Variants in AIG1 observed in about 807,000 individuals in gnomAD.
AIG1 encodes androgen induced 1.
In AIG1, 23 loss-of-function variants were observed where a neutral mutation model predicts 31.4. The ratio of observed to expected loss-of-function variants is 0.73; its 90% confidence interval spans 0.53 to 1.04. The LOEUF (loss-of-function observed/expected upper bound fraction) is 1.04. AIG1 is among the 50% of genes least tolerant of loss of function. The pLI, the probability that AIG1 is intolerant of heterozygous loss-of-function variation, is 0.00. For synonymous variants in AIG1, 100 were observed against 110.5 expected, an observed-to-expected ratio of 0.90 and a Z score of 0.60; for missense variants, 274 against 295.0, an observed-to-expected ratio of 0.93 and a Z score of 0.52.
In AIG1 at chr6:143,195,824, G is replaced by A. The variant is rs555511449; in HGVS notation, c.399+30641G>A. On this transcript the variant is annotated intron_variant, in intron 3 of 5. Transcript: ENST00000357847. Reference sequence around the variant, plus strand: ...GGCACAGGTGCTCCCGAGTGCCAAAGTGACCACAAGAAAAGCCGCCAGAAG... The same window carrying A: ...GGCACAGGTGCTCCCGAGTGCCAAAATGACCACAAGAAAAGCCGCCAGAAG... Among the ~76,000 whole-genome samples the A allele has an allele frequency of 4.7e-4, 71 of 151,114 alleles. 1 individual carries two copies. The highest frequency in any genetic ancestry group is 8.3e-4 in the South Asian group (4 of 4,820).
At position 143,075,386 on chromosome 6, in the gene AIG1, C is replaced by T. The variant is rs910406085; in HGVS notation, c.141+14320C>T. ...AGGCTGGAGTGCAGCTCACTGCAGC[C>T]TCAACCTCCCAGGTTTAGGTGATCT... On this transcript the variant is annotated intron_variant, in intron 1 of 5. Coordinates refer to ENST00000357847, the MANE Select transcript of AIG1 (RefSeq NM_016108.4). 2.6e-5 allele frequency among the ~76,000 whole-genome samples: 4 copies of T among 152,242 alleles called. No individual in the cohort carries two copies. The East Asian group carries it at 7.7e-4, about 29-fold the overall frequency.
intron 3 of AIG1, among the ~76,000 whole-genome samples, chr6:143,263,493 CT>C (rs909287693): frequency 5.9e-5 from 9 of 151,784 alleles, no homozygotes; most frequent in African/African-American, 2.2e-4. Flanking sequence ...TTAATGTATG[CT>C]TTAAAAAAAT....
downstream of AIG1, among the ~76,000 whole-genome samples, chr6:143,341,897 C>A (rs911357806): frequency 2.6e-5 from 4 of 152,086 alleles, no homozygotes; most frequent in African/African-American, 9.7e-5. Flanking sequence ...ACAATATAAT[C>A]CCTGGGATAT....
At chr6:143,222,182 G>A (rs947666938) in intron 3 of AIG1, among the ~76,000 whole-genome samples, 3 of 152,088 alleles carry the variant, frequency 2.0e-5, no homozygotes, top group African/African-American at 7.2e-5. Context: ...CTCAGCTCAC[G>A]TAGTACGTTA....
chr6:143,188,867 T>C (rs1216018064), intron 3 of AIG1: 10 of 985,196 alleles, frequency 1.0e-5, no homozygotes, highest in Non-Finnish European at 1.2e-5. Context: ...CAATAAGAAA[T>C]TTGGCATTTC....
rs1776595444 is a variant in AIG1, at chr6:143,326,168, AT to A, written c.516-7111del. Among the ~76,000 whole-genome samples, 1 of 152,200 alleles carries A rather than the reference AT, an allele frequency of 6.6e-6. No individual in the cohort carries two copies. The highest frequency in any genetic ancestry group is 1.5e-5 in the Non-Finnish European group (1 of 68,032). ...GCTCAATCTGATCTATTTCAGATTT[AT>A]TTATTTTCAAAGACTTTATATTTGC... On this transcript the variant is annotated intron_variant, in intron 4 of 5. Coordinates refer to ENST00000357847, the MANE Select transcript of AIG1 (RefSeq NM_016108.4). The surrounding 1 kb of genome is among the most constrained non-coding windows in gnomAD (Gnocchi z 4.5).
chr6:143,257,585 GT>G (rs984729571), intron 3 of AIG1, among the ~76,000 whole-genome samples: 1 of 152,120 alleles, frequency 6.6e-6, no homozygotes, highest in African/African-American at 2.4e-5. Context: ...TGTTTGTTTG[GT>G]TTGGTTTTGG....
chr6:143,071,651 C>T (rs1562343988), intron 1 of AIG1, among the ~76,000 whole-genome samples: 1 of 150,744 alleles, frequency 6.6e-6, no homozygotes, highest in Non-Finnish European at 1.5e-5. Context: ...ATAGTGATAT[C>T]TCATCGTGGT....
At position 143,249,721 on chromosome 6, in the gene AIG1, C is replaced by T. The variant is rs557265410; in HGVS notation, c.400-34389C>T. 2.6e-5 allele frequency among the ~76,000 whole-genome samples: 4 copies of T among 152,300 alleles called. No homozygotes were observed. The South Asian group carries it at 8.3e-4, about 32-fold the overall frequency. On this transcript the variant is annotated intron_variant, in intron 3 of 5. Transcript: ENST00000357847. ...GCCTCTACTGTCTTCTGGCTTCTGC[C>T]TACTTCCTTCTTGTGTCTTTTGCTT... is the stretch of plus-strand genomic sequence containing the variant.
intron 4 of AIG1, among the ~76,000 whole-genome samples, chr6:143,308,527 A>G (rs1774986425): frequency 6.6e-6 from 1 of 152,076 alleles, no homozygotes; most frequent in South Asian, 2.1e-4. Flanking sequence ...CTTCTCTTTG[A>G]TTGTGAATTG....
At chr6:143,234,878 C>T (rs1029471673) in intron 3 of AIG1, among the ~76,000 whole-genome samples, 5 of 152,028 alleles carry the variant, frequency 3.3e-5, no homozygotes, top group African/African-American at 9.7e-5. Context: ...ATAACATGAG[C>T]AAACGCTACT....
intron 4 of AIG1, among the ~76,000 whole-genome samples, chr6:143,320,057 G>T (rs1019008975): frequency 6.6e-6 from 1 of 151,918 alleles, no homozygotes; most frequent in African/African-American, 2.4e-5. Flanking sequence ...CAAAAAAATG[G>T]GCAAAAGACT....
At position 143,098,198 on chromosome 6, in the gene AIG1, C is replaced by T. The variant is rs1583168104; in HGVS notation, c.141+37132C>T. On this transcript the variant is annotated intron_variant, in intron 1 of 5. Transcript: ENST00000357847. ...TTCACTTCCTCTTCCTCCATTCTCTCTGAAACACACTCTGCCCCAGTGAAG... is the reference window on the plus strand; with the variant it reads ...TTCACTTCCTCTTCCTCCATTCTCTTTGAAACACACTCTGCCCCAGTGAAG... Among the ~76,000 whole-genome samples, 6 of 152,356 alleles carry T rather than the reference C, an allele frequency of 3.9e-5. No individual in the cohort carries two copies. The South Asian group carries it at 1.2e-3, about 32-fold the overall frequency.
At chr6:143,189,902 T>C in intron 3 of AIG1, 1 of 860,132 alleles carries the variant, frequency 1.2e-6, no homozygotes, top group Non-Finnish European at 1.4e-6. Context: ...TTATCATAGT[T>C]CTAGAGCCTG....
At position 143,292,198 on chromosome 6, in the gene AIG1, A is replaced by G. The variant is rs1798105800; in HGVS notation, c.515+7973A>G. ...TCACCACAAGCCCCCAAAGATATCC[A>G]CATCCTAAAATCCCCAGAACTTGTG... On this transcript the variant is annotated intron_variant, in intron 4 of 5. Transcript: ENST00000357847. The surrounding 1 kb of genome is among the most constrained non-coding windows in gnomAD (Gnocchi z 4.9). 6.6e-6 allele frequency among the ~76,000 whole-genome samples: 1 copy of G among 152,212 alleles called. No homozygotes were observed. Among genetic ancestry groups the G allele is most frequent in the Non-Finnish European group, 1.5e-5 (1 of 68,034 alleles).
rs370131576 is a variant in AIG1 at position 143,138,578 on chromosome 6, A to G, written c.297+1588A>G. 3.3e-4 allele frequency among the ~76,000 whole-genome samples: 50 copies of G among 152,266 alleles called. No homozygotes were observed. The East Asian group carries it at 4.6e-3, about 14-fold the overall frequency. ...TTGCCTGTGGAAGCCTTCGTTGGCT[A>G]GAAGGATTACAATAGTAATACAATA... On this transcript the variant is annotated intron_variant, in intron 2 of 5. Transcript: ENST00000357847.
chr6:143,109,024 T>G (rs1031510604), intron 1 of AIG1, among the ~76,000 whole-genome samples: 6 of 152,318 alleles, frequency 3.9e-5, no homozygotes, highest in Non-Finnish European at 5.9e-5. Context: ...CCTCTGTCAC[T>G]GTAGATTATA....
At chr6:143,324,521 G>GAGCA (rs1444373868) in intron 4 of AIG1, among the ~76,000 whole-genome samples, 1 of 152,206 alleles carries the variant, frequency 6.6e-6, no homozygotes, top group African/African-American at 2.4e-5. Flanking sequence ...CTAGCCTTCA[G>GAGCA]AGCAGTACAG....
At chr6:143,141,387 A>T (rs1447174935) in intron 2 of AIG1, among the ~76,000 whole-genome samples, 8 of 152,314 alleles carry the variant, frequency 5.3e-5, no homozygotes, top group South Asian at 4.1e-4. Flanking sequence ...CCTAAATATG[A>T]TTTTGTGACC....
Sources: gnomAD v4.1 joint callset for allele counts (sites outside exome capture counted in the v4.1 genomes callset) on GRCh38, gnomAD v4.1.1 for gene constraint, Gnocchi (gnomAD v3.1) non-coding constraint, MANE v1.5 for transcripts, NCBI Gene and HGNC (gene_info 2026-07-23, HGNC 2026-07-21) for gene names.